The following EEF2 variants were observed in gnomAD, a reference collection of about 807,000 sequenced individuals.
EEF2 encodes eukaryotic translation elongation factor 2, also known as elongation factor 2.
Under a neutral mutation model 85.3 loss-of-function variants are expected in EEF2, and 21 were observed. The observed-to-expected ratio is 0.25, with a 90% CI of 0.17 to 0.35. The LOEUF is 0.35. EEF2 is among the 10% of genes least tolerant of loss of function. The pLI, the probability that EEF2 is intolerant of heterozygous loss-of-function variation, is 1.00. For missense variants in EEF2, 825 were observed against 1,225.3 expected (o/e 0.67, Z 4.88); for synonymous variants, 723 against 508.8 (o/e 1.42, Z -5.67).
In EEF2 at chr19:3,985,436, G is replaced by T; in HGVS notation, c.-56C>A. The T allele has an allele frequency of 1.4e-6, 2 of 1,452,494 alleles. No homozygotes were observed. Among genetic ancestry groups the T allele is most frequent in the South Asian group, 1.4e-5 (1 of 71,266 alleles). 90.0% of individuals were successfully genotyped at this position (1,452,494 alleles called of 1,614,324 possible). ...AGAACCGAAAGAAGCGAGTCGCGCC[G>T]AGGATGGCGGCGACGACGGCGGAAG... On this transcript the variant is annotated 5_prime_UTR_variant, in exon 1 of 15. Coordinates refer to ENST00000309311, the MANE Select transcript of EEF2 (RefSeq NM_001961.4).
In EEF2 at chr19:3,982,177, C is replaced by A. The variant is rs1053712950; in HGVS notation, c.791+69G>T. On this transcript the variant is annotated intron_variant, in intron 5 of 14. Transcript: ENST00000309311. ...CTTGAGCCACGCTGTGAATAGCACA[C>A]CACGCCCCTACGTCGCTGCCACTAC... 1.2e-5 allele frequency: 20 copies of A among 1,603,334 alleles called. No individual in the cohort carries two copies. The African/African-American group carries it at 2.1e-4, about 17-fold the overall frequency.
At chr19:3,985,057 C>G (rs1362398245) in intron 1 of EEF2, 1 of 359,962 alleles carries the variant, frequency 2.8e-6, no homozygotes, top group Non-Finnish European at 5.0e-6. Flanking sequence ...TAAGGCGCCT[C>G]CCTGTCTCCC....
At chr19:3,984,036 G>A (rs1016462852) in intron 2 of EEF2, 100 bp downstream of exon 2, 9 of 1,268,540 alleles carry the variant, frequency 7.1e-6, no homozygotes, top group Non-Finnish European at 8.9e-6. Flanking sequence ...CCAGGGGAAA[G>A]AGACGTTGCC....
intron 11 of EEF2, among the ~76,000 whole-genome samples, chr19:3,978,662 G>A (rs1456183117): frequency 2.0e-5 from 3 of 151,024 alleles, no homozygotes; most frequent in East Asian, 2.0e-4. Context: ...AAAATTAGCC[G>A]GGCATGATGG....
Position 3,981,965 on chromosome 19 carries a change from G to T in EEF2, c.879C>A (p.Ile293=). The T allele has an allele frequency of 1.9e-6, 3 of 1,614,134 alleles. No individual in the cohort carries two copies. The highest frequency in any genetic ancestry group is 2.5e-6 in the Non-Finnish European group (3 of 1,179,994). ...CACTCACCTTGAAGATGGGGTCCAG[G>T]ATCAGCTGGCAGAAGGTGCGTGGCA... ...KKLPRTFCQL[I]LDPIFKVFDA... Residue 293 remains isoleucine (I), a synonymous_variant, in exon 6 of 15, where the codon ATC becomes ATA. Transcript: ENST00000309311.
chr19:3,985,214 G>A (rs940186030), intron 1 of EEF2, 164 bp downstream of exon 1: 6 of 713,424 alleles, frequency 8.4e-6, no homozygotes, highest in South Asian at 8.5e-5. Flanking sequence ...ACAGCGCGGC[G>A]CACAGACATG....
intron 6 of EEF2, 98 bp downstream of exon 6, chr19:3,981,849 G>T (rs375020531): frequency 1.9e-5 from 21 of 1,106,366 alleles, no homozygotes; most frequent in Non-Finnish European, 2.8e-5. Context: ...GCCCCACAAG[G>T]AGACGGGCCC....
chr19:3,979,462 A>AAGGGGTAG, intron 10 of EEF2, 26 bp from the exon 11 acceptor site: 1 of 1,600,534 alleles, frequency 6.2e-7, no homozygotes, highest in South Asian at 1.1e-5. Context: ...GTCAGCACCA[A>AAGGGGTAG]AGGGGTAGGC....
chr19:3,978,283 A>AG, intron 11 of EEF2, 111 bp from the exon 12 acceptor site: 2 of 883,000 alleles, frequency 2.3e-6, no homozygotes, highest in Non-Finnish European at 3.3e-6. Context: ...AGCCTGGTAG[A>AG]GCCACGTCAA....
In EEF2 at chr19:3,980,998, G is replaced by C; in HGVS notation, c.1012-19C>G. ...TCACAGCCTGCGGGGGCAGAGAGCG[G>C]TGCATGAGACACCTGGGGAGCCCAG... On this transcript the variant is annotated intron_variant, in intron 7 of 14. Coordinates refer to ENST00000309311, the MANE Select transcript of EEF2 (RefSeq NM_001961.4). 1.3e-6 allele frequency: 2 copies of C among 1,562,318 alleles called. No individual in the cohort carries two copies. The highest frequency in any genetic ancestry group is 1.9e-5 in the Admixed American group (1 of 52,848).
intron 1 of EEF2, chr19:3,984,999 A>C: frequency 3.6e-6 from 1 of 276,782 alleles, no homozygotes; most frequent in Non-Finnish European, 6.8e-6. Flanking sequence ...TGCCGCCCCT[A>C]GTCCCCCGGC....
chr19:3,979,190 A>C (rs2039714157), intron 11 of EEF2, 139 bp downstream of exon 11: 3 of 643,150 alleles, frequency 4.7e-6, no homozygotes, highest in South Asian at 2.1e-5. Context: ...TGCAAAGAAG[A>C]AACTTGAGGA....
rs2039788860 is a variant in EEF2 at position 3,984,004 on chromosome 19, C to T, written c.218+132G>A. On this transcript the variant is annotated intron_variant, in intron 2 of 14. Coordinates refer to ENST00000309311, the MANE Select transcript of EEF2 (RefSeq NM_001961.4). ...CTGTCTCGCTGGACTGAACCTCACT[C>T]ATTCTCCCATGAATTAAGAAACCAG... The T allele has an allele frequency of 4.3e-6, 4 of 935,552 alleles. No homozygotes were observed. The South Asian group carries it at 6.3e-5, about 15-fold the overall frequency. The allele number at this position is 935,552 out of a possible 1,614,324, so 58.0% of individuals were successfully genotyped here.
Position 3,981,854 on chromosome 19 carries a change from G to A in EEF2, c.897+93C>T, listed in dbSNP as rs537111068. On this transcript the variant is annotated intron_variant, in intron 6 of 14. Transcript: ENST00000309311. ...TCTCGCATCTGCCCCACAAGGAGAC[G>A]GGCCCAGTCAGCCGACAGGCTACCG... is the stretch of plus-strand genomic sequence containing the variant. 80 of 1,167,402 alleles carry A rather than the reference G, an allele frequency of 6.9e-5. No individual in the cohort carries two copies. In the African/African-American group the frequency reaches 9.7e-4, roughly 14 times the overall value. 72.3% of individuals were successfully genotyped at this position (1,167,402 alleles called of 1,614,324 possible).
chr19:3,979,493 A>G (rs1035252428), intron 10 of EEF2, 57 bp from the exon 11 acceptor site: 76 of 1,467,996 alleles, frequency 5.2e-5, no homozygotes, highest in Non-Finnish European at 6.7e-5. Context: ...AGGCGGGACC[A>G]GGCTCCCAGC....
rs527408761 is a variant in EEF2 at position 3,976,481 on chromosome 19, T to C, written c.*73A>G. The C allele has an allele frequency of 1.3e-5, 20 of 1,521,060 alleles. No homozygotes were observed. In the African/African-American group the frequency reaches 1.8e-4, roughly 14 times the overall value. The allele number at this position is 1,521,060 out of a possible 1,614,324, so 94.2% of individuals were successfully genotyped here. On this transcript the variant is annotated 3_prime_UTR_variant, in exon 15 of 15. Transcript: ENST00000309311. The stretch of plus-strand genomic sequence containing the variant: ...GTGTCGGGACAGTCTCCAGGTGTCG[T>C]CTGAGAATTCGAGGACGTGGTGCTG...
At position 3,976,338 on chromosome 19, in the gene EEF2, G is replaced by C; in HGVS notation, c.*216C>G. 1 of 317,124 alleles carries C rather than the reference G, an allele frequency of 3.2e-6. No individual in the cohort carries two copies. The highest frequency in any genetic ancestry group is 6.0e-6 in the Non-Finnish European group (1 of 166,244). 19.6% of individuals were successfully genotyped at this position (317,124 alleles called of 1,614,324 possible). ...GACCGGCCCATTAAGTCCCTACTAA[G>C]AGGGCGTGTCTGCTGCCTCCGGACT... On this transcript the variant is annotated 3_prime_UTR_variant, in exon 15 of 15. Coordinates refer to ENST00000309311, the MANE Select transcript of EEF2 (RefSeq NM_001961.4).
Position 3,982,823 on chromosome 19 carries a change from G to A in EEF2, c.596C>T (p.Pro199Leu). 6.2e-7 allele frequency: 1 copy of A among 1,611,548 alleles called. No homozygotes were observed. Among genetic ancestry groups the A allele is most frequent in the Non-Finnish European group, 8.5e-7 (1 of 1,179,388 alleles). Residue 199 changes from proline (P) to leucine (L), a missense_variant, in exon 4 of 15, where the codon CCC becomes CTC. Pro to Leu is a moderately conservative substitution (Grantham distance 98). Transcript: ENST00000309311. Reference sequence around the variant, plus strand: ...GGGCCGTACCATGATGTTGCCCATGGGGCCGCTCTCGCCCTCGCCGTAGGT... The same window carrying A: ...GGGCCGTACCATGATGTTGCCCATGAGGCCGCTCTCGCCCTCGCCGTAGGT... ...ISTYGEGESGPMGNIMIDPVL... is the reference protein window; with the variant it reads ...ISTYGEGESGLMGNIMIDPVL...
chr19:3,982,072 C>A lies in EEF2; in HGVS notation c.792-20G>T. 1 of 1,613,520 alleles carries A rather than the reference C, an allele frequency of 6.2e-7. No individual in the cohort carries two copies. Among genetic ancestry groups the A allele is most frequent in the Non-Finnish European group, 8.5e-7 (1 of 1,179,478 alleles). ...AAGTACCTGGCAAGGAGAGGCCAAG[C>A]CAAATCAAGTTAGGGTCTCCAGGGG... On this transcript the variant is annotated intron_variant, in intron 5 of 14. Transcript: ENST00000309311.
Sources: gnomAD v4.1 joint callset for allele counts (sites outside exome capture counted in the v4.1 genomes callset) on GRCh38, gnomAD v4.1.1 for gene constraint, MANE v1.5 for transcripts, NCBI Gene and HGNC (gene_info 2026-07-23, HGNC 2026-07-21) for gene names.